Variants in PDS5B observed in about 807,000 individuals in gnomAD.
The protein encoded by PDS5B is sister chromatid cohesion protein PDS5 homolog B.
Under a neutral mutation model 184.1 loss-of-function variants are expected in PDS5B, and 51 were observed. The ratio of observed to expected loss-of-function variants is 0.28; its 90% CI spans 0.22 to 0.35. The LOEUF (loss-of-function observed/expected upper bound fraction) is 0.35. Ranked by LOEUF, PDS5B falls within the 10% of genes least tolerant of loss-of-function variation. PDS5B has a pLI of 1.00. For missense variants in PDS5B, 1,180 were observed against 1,723.3 expected (o/e 0.68, Z 5.58); for synonymous variants, 566 against 569.2 (o/e 0.99, Z 0.08).
intron 31 of PDS5B, among the ~76,000 whole-genome samples, chr13:32,768,796 A>G (rs1954672075): frequency 1.1e-5 from 1 of 90,348 alleles, no homozygotes; most frequent in East Asian, 2.5e-4. Flanking sequence ...CTGTCTCAAA[A>G]AAAAAAAAAA....
intron 11 of PDS5B, 57 bp downstream of exon 11, chr13:32,684,080 C>G (rs1442994127): frequency 2.3e-6 from 2 of 879,674 alleles, no homozygotes; most frequent in African/African-American, 3.5e-5. Flanking sequence ...TGAAGTTTAA[C>G]AATATTTGAA....
intron 1 of PDS5B, among the ~76,000 whole-genome samples, chr13:32,647,921 C>T (rs139669131): frequency 7.4e-4 from 113 of 152,184 alleles, no homozygotes; most frequent in African/African-American, 2.6e-3. Context: ...ATGAAGGCAC[C>T]CTTCTCTAGG....
chr13:32,646,263 T>A (rs920608586), intron 1 of PDS5B, among the ~76,000 whole-genome samples: 1 of 152,152 alleles, frequency 6.6e-6, no homozygotes, highest in Admixed American at 6.6e-5. Context: ...TGCCTTAGCC[T>A]TCCCAGATGC....
intron 2 of PDS5B, among the ~76,000 whole-genome samples, chr13:32,651,353 A>G (rs1169416964): frequency 7.2e-5 from 11 of 152,180 alleles, no homozygotes; most frequent in Non-Finnish European, 1.5e-5. Flanking sequence ...TGGTTTAATG[A>G]CTTAAATGGA....
At chr13:32,599,863 C>T (rs1197898691) in intron 1 of PDS5B, among the ~76,000 whole-genome samples, 6 of 151,958 alleles carry the variant, frequency 3.9e-5, no homozygotes, top group South Asian at 2.1e-4. Context: ...TGCAGTGAGC[C>T]GAGATCGTGC....
At chr13:32,622,999 G>C (rs1233086799) in intron 1 of PDS5B, among the ~76,000 whole-genome samples, 2 of 152,188 alleles carry the variant, frequency 1.3e-5, no homozygotes, top group Admixed American at 6.5e-5. Context: ...GGTTTTTAAG[G>C]GTGGTTTGGC....
intron 1 of PDS5B, among the ~76,000 whole-genome samples, chr13:32,617,376 A>G (rs2058235073): frequency 6.6e-6 from 1 of 152,240 alleles, no homozygotes. Context: ...ACATATCTAC[A>G]ACACAGACAT....
intron 1 of PDS5B, among the ~76,000 whole-genome samples, chr13:32,619,202 A>G (rs1472423771): frequency 2.0e-5 from 3 of 152,102 alleles, no homozygotes; most frequent in Non-Finnish European, 4.4e-5. Context: ...TCTTTATGAT[A>G]TTGAGCATCT....
chr13:32,626,120 G>A (rs117177545), intron 1 of PDS5B, among the ~76,000 whole-genome samples: 2,085 of 152,244 alleles, frequency 0.014, 38 homozygotes, highest in South Asian at 0.081. Context: ...GATTACAGGC[G>A]TGGTCCACTG....
At chr13:32,707,251 T>C (rs1952052593) in intron 18 of PDS5B, among the ~76,000 whole-genome samples, 1 of 152,180 alleles carries the variant, frequency 6.6e-6, no homozygotes, top group Admixed American at 6.5e-5. Context: ...CTAGTACTAA[T>C]TATATTAAAA....
At position 32,775,171 on chromosome 13, in the gene PDS5B, G is replaced by A. The variant is rs1954918628; in HGVS notation, c.*119G>A. 1.2e-6 allele frequency: 1 copy of A among 818,454 alleles called. No individual in the cohort carries two copies. Among genetic ancestry groups the A allele is most frequent in the Non-Finnish European group, 1.9e-6 (1 of 513,372 alleles). The allele number at this position is 818,454 out of a possible 1,614,324, so 50.7% of individuals were successfully genotyped here. The stretch of plus-strand genomic sequence containing the variant: ...CACAAAATGGGACTGCTGAAGAGTG[G>A]ACAGTTGGACCTTACTTTGGTGACC... On this transcript the variant is annotated 3_prime_UTR_variant, in exon 35 of 35. Coordinates refer to ENST00000315596, the MANE Select transcript of PDS5B (RefSeq NM_015032.4).
chr13:32,741,241 T>A, intron 22 of PDS5B, 93 bp downstream of exon 22: 3 of 708,558 alleles, frequency 4.2e-6, no homozygotes, highest in Non-Finnish European at 7.3e-6. Flanking sequence ...GGAAAGATAT[T>A]AAAGTCACTC....
chr13:32,680,743 A>T (rs1433377739), intron 10 of PDS5B, among the ~76,000 whole-genome samples: 2 of 152,146 alleles, frequency 1.3e-5, no homozygotes, highest in Admixed American at 6.5e-5. Context: ...GCTAGTTCCT[A>T]TGCCTTTTGA....
intron 15 of PDS5B, among the ~76,000 whole-genome samples, chr13:32,699,000 G>A (rs1335511537): frequency 2.0e-5 from 3 of 152,014 alleles, no homozygotes; most frequent in Non-Finnish European, 4.4e-5. Context: ...TGATCCTCCT[G>A]CCTCGGCCTC....
chr13:32,685,588 A>C (rs1177094431), intron 11 of PDS5B, among the ~76,000 whole-genome samples: 2 of 152,226 alleles, frequency 1.3e-5, no homozygotes, highest in African/African-American at 4.8e-5. Context: ...AGAAGAGGGA[A>C]TTAAGAGTTA....
At chr13:32,751,510 C>T (rs1306447003) in intron 24 of PDS5B, among the ~76,000 whole-genome samples, 1 of 152,212 alleles carries the variant, frequency 6.6e-6, no homozygotes, top group African/African-American at 2.4e-5. Flanking sequence ...TCCACAGTCT[C>T]ACCAGCATCT....
chr13:32,758,163 G>A lies in PDS5B; in HGVS notation c.3133G>A (p.Glu1045Lys). Residue 1045 changes from glutamate to lysine, a missense_variant, in exon 27 of 35, where the codon GAA (glutamate) becomes AAA (lysine). Coordinates refer to ENST00000315596, the MANE Select transcript of PDS5B (RefSeq NM_015032.4). ...TCACGCTTTTATCAGAAAGATGGTA[G>A]AAAATATTAAACAAACAAAAGATGC... Reference protein sequence around the residue: ...NSHAFIRKMVENIKQTKDAQG... With the variant: ...NSHAFIRKMVKNIKQTKDAQG... 1.9e-6 allele frequency: 3 copies of A among 1,548,740 alleles called. No homozygotes were observed. Among genetic ancestry groups the A allele is most frequent in the Non-Finnish European group, 2.6e-6 (3 of 1,132,938 alleles).
chr13:32,605,646 T>A (rs1207845758), intron 1 of PDS5B, among the ~76,000 whole-genome samples: 1 of 152,150 alleles, frequency 6.6e-6, no homozygotes, highest in Non-Finnish European at 1.5e-5. Flanking sequence ...TCTGTCTTGA[T>A]CTGTCTAATA....
intron 1 of PDS5B, among the ~76,000 whole-genome samples, chr13:32,607,673 G>T (rs1191028869): frequency 6.9e-6 from 1 of 144,402 alleles, no homozygotes; most frequent in Admixed American, 6.9e-5. Flanking sequence ...GTCTACAGAG[G>T]CAGGCCTCCT....
Sources: allele counts gnomAD v4.1 joint callset (sites outside exome capture counted in the v4.1 genomes callset), GRCh38; gene constraint gnomAD v4.1.1; transcripts MANE v1.5; gene names NCBI Gene and HGNC (gene_info 2026-07-23, HGNC 2026-07-21).